Variants in NMD3 observed in about 807,000 individuals in gnomAD.
NMD3 encodes the protein NMD3 ribosome export adaptor, also known as 60S ribosomal export protein NMD3.
NMD3 carries 47 observed loss-of-function variants against 73.1 expected under a neutral mutation model. That is an observed-to-expected ratio of 0.64 (90% CI 0.51 to 0.82). The LOEUF (loss-of-function observed/expected upper bound fraction) is 0.82, where lower values mean the gene tolerates loss of function less well. Among genes scored for constraint, NMD3 ranks in the 40% least tolerant of loss-of-function variants. NMD3 has a pLI of 0.00. For missense variants in NMD3, 554 were observed against 612.5 expected, an observed-to-expected ratio of 0.90 and a Z score of 1.01; for synonymous variants, 210 against 194.5, an observed-to-expected ratio of 1.08 and a Z score of -0.66.
In NMD3 at chr3:161,250,785, G is replaced by C. The variant is rs767015335; in HGVS notation, c.1387G>C (p.Ala463Pro). 5 of 1,603,778 alleles carry C rather than the reference G, an allele frequency of 3.1e-6. No individual in the cohort carries two copies. The highest frequency in any genetic ancestry group is 4.3e-6 in the Non-Finnish European group (5 of 1,172,114). Residue 463 changes from alanine (A) to proline (P), a missense_variant, in exon 16 of 16, where the codon GCC (alanine) becomes CCC (proline). Ala to Pro is a conservative substitution (Grantham distance 27). Coordinates refer to ENST00000351193, the MANE Select transcript of NMD3 (RefSeq NM_015938.5). ...RKNVNIYRDS[A>P]IPVESDTDDE... ...TTCTCTTTGTATTTTTTTAGATTCA[G>C]CCATCCCTGTGGAAAGTGACACCGA...
chr3:161,249,407 C>A, intron 13 of NMD3, 47 bp from the exon 14 acceptor site: 1 of 1,262,600 alleles, frequency 7.9e-7, no homozygotes, highest in Non-Finnish European at 1.1e-6. Flanking sequence ...TGTGGCCTCA[C>A]TGTATAGTTC....
At chr3:161,234,885 A>G (rs1736692660) in intron 6 of NMD3, 30 bp downstream of exon 6, 1 of 1,604,860 alleles carries the variant, frequency 6.2e-7, no homozygotes. Flanking sequence ...AGTGAGTCCT[A>G]CATCTTATAT....
intron 2 of NMD3, among the ~76,000 whole-genome samples, chr3:161,224,251 T>A (rs1334122548): frequency 6.6e-6 from 1 of 152,224 alleles, no homozygotes; most frequent in East Asian, 1.9e-4. Flanking sequence ...TCAGTTGTAC[T>A]AGTCACTTTT....
rs1372398618 is a variant in NMD3, at chr3:161,233,416, A to G, written c.294A>G (p.Ala98=). The part of the protein sequence containing the change: ...APLSKVRLVD[A]GFVWTEPHSK... ...TATTGAAGGTACGGCTTGTAGATGCAGGCTTTGTTTGGACTGAGCCTCATT... is the reference window on the plus strand; with the variant it reads ...TATTGAAGGTACGGCTTGTAGATGCGGGCTTTGTTTGGACTGAGCCTCATT... Residue 98 remains alanine (A), a synonymous_variant, in exon 5 of 16, where the codon GCA becomes GCG. Coordinates refer to ENST00000351193, the MANE Select transcript of NMD3 (RefSeq NM_015938.5). 3.7e-6 allele frequency: 6 copies of G among 1,610,058 alleles called. No individual in the cohort carries two copies. The highest frequency in any genetic ancestry group is 2.7e-5 in the African/African-American group (2 of 74,750).
At position 161,224,909 on chromosome 3, in the gene NMD3, T is replaced by C. The variant is rs199889318; in HGVS notation, c.45-21T>C. On this transcript the variant is annotated intron_variant, in intron 2 of 15. Transcript: ENST00000351193. ...TATTTTAAAAATCTAATGTGAAAAA[T>C]TTATCCTTTATTTATTAAAGCTTGT... is the stretch of plus-strand genomic sequence containing the variant. The C allele has an allele frequency of 3.6e-5, 56 of 1,554,244 alleles. 1 individual carries two copies. In the East Asian group the frequency reaches 1.3e-3, roughly 36 times the overall value.
rs1398079202 is a variant in NMD3 at position 161,250,244 on chromosome 3, GT to G, written c.1311-9del. On this transcript the variant is annotated splice_polypyrimidine_tract_variant and intron_variant, in intron 14 of 15. Coordinates refer to ENST00000351193, the MANE Select transcript of NMD3 (RefSeq NM_015938.5). ...ATTTTTGGTGATGAAATATTTAAAT[GT>G]TTATTTAAAGGCAATACCAAGATTT... 6.3e-6 allele frequency: 9 copies of G among 1,417,930 alleles called. No homozygotes were observed. The highest frequency in any genetic ancestry group is 1.4e-5 in the African/African-American group (1 of 70,826). The allele number at this position is 1,417,930 out of a possible 1,614,324, so 87.8% of individuals were successfully genotyped here.
chr3:161,244,843 C>T (rs1054671044), intron 11 of NMD3, among the ~76,000 whole-genome samples: 10 of 151,946 alleles, frequency 6.6e-5, no homozygotes, highest in Admixed American at 4.6e-4. Context: ...TTGTCTCAAA[C>T]GATCCTACTG....
intron 14 of NMD3, 197 bp downstream of exon 14, chr3:161,249,757 G>A: frequency 1.7e-6 from 1 of 587,888 alleles, no homozygotes; most frequent in Non-Finnish European, 3.0e-6. Flanking sequence ...ATTATTTCCT[G>A]GTTTATGACC....
chr3:161,221,958 C>A, intron 1 of NMD3, 36 bp from the exon 2 acceptor site: 3 of 864,862 alleles, frequency 3.5e-6, no homozygotes, highest in Non-Finnish European at 3.4e-6. Flanking sequence ...CCAACATTCT[C>A]TTTTTTTTTT....
At chr3:161,223,106 G>C (rs1278847232) in intron 2 of NMD3, 2 of 152,234 alleles carry the variant, frequency 1.3e-5, no homozygotes, top group African/African-American at 4.8e-5. Flanking sequence ...AGCACTTCTG[G>C]AAGAGCCTGG....
At chr3:161,250,370 G>A in intron 15 of NMD3, 44 bp downstream of exon 15, 2 of 1,121,950 alleles carry the variant, frequency 1.8e-6, no homozygotes, top group Non-Finnish European at 1.3e-6. Context: ...CTGTATATAA[G>A]TATAGTTCCT....
chr3:161,241,023 T>C, intron 9 of NMD3, 23 bp from the exon 10 acceptor site: 1 of 1,468,046 alleles, frequency 6.8e-7, no homozygotes, highest in South Asian at 1.1e-5. Flanking sequence ...TGCCTCATTC[T>C]AAATGTTAGT....
rs4290817 is a variant in NMD3, at chr3:161,249,566, G to A, written c.1310+6G>A. On this transcript the variant is annotated splice_donor_region_variant and intron_variant, in intron 14 of 15. Coordinates refer to ENST00000351193, the MANE Select transcript of NMD3 (RefSeq NM_015938.5). Reference sequence around the variant, plus strand: ...ATGGATACAGATGATGAAAGGTCTCGCTTTTCTTTAAATCTCTTATGTTGT... The same window carrying A: ...ATGGATACAGATGATGAAAGGTCTCACTTTTCTTTAAATCTCTTATGTTGT... 0.47 allele frequency: 723,139 copies of A among 1,539,970 alleles called. 174,063 individuals carry two copies. Among genetic ancestry groups the A allele is most frequent in the East Asian group, 0.78 (34,198 of 44,106 alleles).
downstream of NMD3, chr3:161,253,101 C>T: frequency 5.2e-6 from 1 of 194,136 alleles, no homozygotes; most frequent in Non-Finnish European, 1.0e-5. Flanking sequence ...TGTTCCCCCA[C>T]TCCCCCAATA....
chr3:161,224,702 G>T (rs1298093859), intron 2 of NMD3, among the ~76,000 whole-genome samples: 2 of 151,772 alleles, frequency 1.3e-5, no homozygotes, highest in Non-Finnish European at 2.9e-5. Context: ...GGCGAGGCTG[G>T]TCTTGAACTC....
chr3:161,244,400 A>AT (rs1468366095), intron 11 of NMD3, among the ~76,000 whole-genome samples: 1 of 152,188 alleles, frequency 6.6e-6, no homozygotes, highest in Non-Finnish European at 1.5e-5. Context: ...AAGTGTTGGG[A>AT]TTACAGGCGT....
chr3:161,224,979 T>G lies in NMD3; in HGVS notation c.94T>G (p.Cys32Gly). Residue 32 changes from cysteine (C) to glycine (G), a missense_variant, in exon 3 of 16, where the codon TGT becomes GGT. Physicochemically the swap from Cys to Gly is radical, Grantham distance 159. Coordinates refer to ENST00000351193, the MANE Select transcript of NMD3 (RefSeq NM_015938.5). ...GATAAGTCCAAATCCTGCCAATATT[T>G]GTGTGGCCTGTTTGCGAAGTAAAGT... Reference protein sequence around the residue: ...VPISPNPANICVACLRSKVDI... With the variant: ...VPISPNPANIGVACLRSKVDI... 1 of 1,613,998 alleles carries G rather than the reference T, an allele frequency of 6.2e-7. No individual in the cohort carries two copies. Among genetic ancestry groups the G allele is most frequent in the South Asian group, 1.1e-5 (1 of 91,058 alleles).
chr3:161,234,659 C>CTTCTTTAATAT, intron 5 of NMD3, 68 bp from the exon 6 acceptor site: 1 of 1,349,040 alleles, frequency 7.4e-7, no homozygotes, highest in Non-Finnish European at 1.0e-6. Context: ...ATTAAAGGTT[C>CTTCTTTAATAT]TTCTTTAAAG....
chr3:161,235,164 C>G lies in NMD3; in HGVS notation c.529C>G (p.Leu177Val). 6.4e-7 allele frequency: 1 copy of G among 1,554,958 alleles called. No homozygotes were observed. The highest frequency in any genetic ancestry group is 8.8e-7 in the Non-Finnish European group (1 of 1,136,400). ...KTFYYLEQLI[L>V]KYGMHQNTLR... ...TTTCTACTATCTGGAACAGTTAATT[C>G]TGAAATATGGAATGCATCAGAATAC... Residue 177 changes from leucine (L) to valine (V), a missense_variant, in exon 7 of 16, where the codon CTG (leucine) becomes GTG (valine). Coordinates refer to ENST00000351193, the MANE Select transcript of NMD3 (RefSeq NM_015938.5).
Sources: gnomAD v4.1 joint callset for allele counts (sites outside exome capture counted in the v4.1 genomes callset) on GRCh38, gnomAD v4.1.1 for gene constraint, MANE v1.5 for transcripts, NCBI Gene and HGNC (gene_info 2026-07-23, HGNC 2026-07-21) for gene names.